GRM8: variants seen among roughly 807,000 people sequenced by gnomAD.
GRM8 encodes glutamate metabotropic receptor 8.
GRM8 carries 47 observed loss-of-function variants against 87.2 expected under a neutral mutation model. The ratio of observed to expected loss-of-function variants is 0.54; its 90% CI spans 0.43 to 0.69. The LOEUF (loss-of-function observed/expected upper bound fraction) is 0.69, where lower values mean the gene tolerates loss of function less well. Among genes scored for constraint, GRM8 ranks in the 30% least tolerant of loss-of-function variants. GRM8 has a pLI of 0.00. For synonymous variants in GRM8, 396 were observed against 404.5 expected, an observed-to-expected ratio of 0.98 and a Z score of 0.25; for missense variants, 1,019 against 1,139.2, an observed-to-expected ratio of 0.89 and a Z score of 1.52.
At chr7:126,733,557 TA>T (rs1278277634) in intron 7 of GRM8, among the ~76,000 whole-genome samples, 1 of 151,220 alleles carries the variant, frequency 6.6e-6, no homozygotes, top group African/African-American at 2.4e-5. Flanking sequence ...TAAGTAAAAT[TA>T]AATCTAATAT....
intron 7 of GRM8, among the ~76,000 whole-genome samples, chr7:126,766,413 TAAC>T (rs1244504550): frequency 6.6e-6 from 1 of 152,094 alleles, no homozygotes; most frequent in Non-Finnish European, 1.5e-5. Flanking sequence ...AGAACTAATT[TAAC>T]AACAATTTTA....
At chr7:126,530,513 G>A (rs892052588) in intron 9 of GRM8, among the ~76,000 whole-genome samples, 11 of 152,240 alleles carry the variant, frequency 7.2e-5, no homozygotes, top group African/African-American at 2.7e-4. Flanking sequence ...GAGGCTCAGG[G>A]AAGCCGACTG....
chr7:126,491,880 T>C (rs116864565), intron 9 of GRM8, among the ~76,000 whole-genome samples: 92 of 152,160 alleles, frequency 6.0e-4, no homozygotes, highest in Non-Finnish European at 1.2e-3. Context: ...ACAGATCATA[T>C]ATATTTCCAC....
At chr7:126,553,325 T>C (rs762239188) in intron 8 of GRM8, among the ~76,000 whole-genome samples, 1 of 152,218 alleles carries the variant, frequency 6.6e-6, no homozygotes, top group African/African-American at 2.4e-5. Flanking sequence ...GTACCATTGC[T>C]ATAATTTCAT....
chr7:127,155,843 G>A (rs1792695082), intron 2 of GRM8, among the ~76,000 whole-genome samples: 2 of 152,232 alleles, frequency 1.3e-5, no homozygotes, highest in East Asian at 3.9e-4. Context: ...TTGATTTAAT[G>A]TCTCTAGGGA....
intron 7 of GRM8, among the ~76,000 whole-genome samples, chr7:126,686,731 G>A (rs1015621191): frequency 1.2e-4 from 18 of 152,188 alleles, no homozygotes; most frequent in African/African-American, 4.3e-4. Context: ...ATAGGATCCA[G>A]GCCAGTAGTG....
intron 2 of GRM8, among the ~76,000 whole-genome samples, chr7:127,119,689 T>A (rs1002159931): frequency 6.6e-6 from 1 of 152,214 alleles, no homozygotes; most frequent in African/African-American, 2.4e-5. Flanking sequence ...AAGGTGTTCA[T>A]GAGCCCAGTT....
At chr7:126,765,721 AT>A (rs1160723150) in intron 7 of GRM8, among the ~76,000 whole-genome samples, 3 of 152,082 alleles carry the variant, frequency 2.0e-5, no homozygotes, top group East Asian at 3.9e-4. Flanking sequence ...TAGAAATAAC[AT>A]TTTGTTCAGA....
chr7:127,156,292 T>C (rs1409692553), intron 2 of GRM8, among the ~76,000 whole-genome samples: 2 of 152,082 alleles, frequency 1.3e-5, no homozygotes, highest in Admixed American at 6.5e-5. Flanking sequence ...GTAGCAGTTA[T>C]GGGGTATATT....
chr7:126,979,939 C>T (rs1299225548), intron 3 of GRM8, among the ~76,000 whole-genome samples: 1 of 152,204 alleles, frequency 6.6e-6, no homozygotes, highest in Non-Finnish European at 1.5e-5. Context: ...TACACATCTG[C>T]ATTGCCCAAT....
intron 2 of GRM8, among the ~76,000 whole-genome samples, chr7:127,198,485 T>C (rs916253053): frequency 2.6e-5 from 4 of 152,142 alleles, no homozygotes; most frequent in Non-Finnish European, 5.9e-5. Flanking sequence ...GAAGGCCAAA[T>C]GGGCTAATTC....
At chr7:127,103,809 A>G (rs955282118) in intron 3 of GRM8, among the ~76,000 whole-genome samples, 1 of 152,152 alleles carries the variant, frequency 6.6e-6, no homozygotes, top group African/African-American at 2.4e-5. Context: ...GGATGACACT[A>G]TAACAGCTGG....
chr7:127,093,031 C>T (rs566872695), intron 3 of GRM8, among the ~76,000 whole-genome samples: 1 of 152,304 alleles, frequency 6.6e-6, no homozygotes, highest in South Asian at 2.1e-4. Flanking sequence ...TGACCCCTAC[C>T]CTCAGCATGC....
intron 7 of GRM8, among the ~76,000 whole-genome samples, chr7:126,748,976 A>G (rs550127802): frequency 6.6e-6 from 1 of 152,132 alleles, no homozygotes; most frequent in Non-Finnish European, 1.5e-5. Context: ...ATATTTTAAA[A>G]TTACCCTTCA....
At chr7:126,901,414 A>C (rs1456737934) in intron 6 of GRM8, among the ~76,000 whole-genome samples, 5 of 152,130 alleles carry the variant, frequency 3.3e-5, no homozygotes, top group Non-Finnish European at 5.9e-5. Context: ...TTTATTATGG[A>C]GTGTCCATCT....
At chr7:127,069,984 AAAAC>A (rs1041061977) in intron 3 of GRM8, among the ~76,000 whole-genome samples, 2 of 152,216 alleles carry the variant, frequency 1.3e-5, no homozygotes, top group African/African-American at 2.4e-5. Flanking sequence ...ATCCTATCTG[AAAAC>A]AAACAAATAG....
At chr7:126,629,422 T>A (rs1180826858) in intron 7 of GRM8, among the ~76,000 whole-genome samples, 4 of 152,176 alleles carry the variant, frequency 2.6e-5, no homozygotes, top group Non-Finnish European at 5.9e-5. Context: ...CACTTCTTGT[T>A]AAGTTTCAAA....
intron 8 of GRM8, among the ~76,000 whole-genome samples, chr7:126,565,351 A>C (rs1794125090): frequency 6.6e-6 from 1 of 152,208 alleles, no homozygotes; most frequent in Admixed American, 6.5e-5. Context: ...CAAATTCAAT[A>C]GAGTTAAATG....
chr7:126,775,365 A>G (rs1453321157), intron 6 of GRM8, among the ~76,000 whole-genome samples: 1 of 152,020 alleles, frequency 6.6e-6, no homozygotes, highest in African/African-American at 2.4e-5. Context: ...TGCTTTTCCC[A>G]ATGTGACACA....
Sources: gnomAD v4.1 joint callset for allele counts (sites outside exome capture counted in the v4.1 genomes callset) on GRCh38, gnomAD v4.1.1 for gene constraint, MANE v1.5 for transcripts, NCBI Gene and HGNC (gene_info 2026-07-23, HGNC 2026-07-21) for gene names.